KCNT2: variants seen among roughly 807,000 people sequenced by gnomAD.
KCNT2 encodes the protein potassium sodium-activated channel subfamily T member 2.
In KCNT2, 67 loss-of-function variants were observed where a neutral mutation model predicts 153.8. The ratio of observed to expected loss-of-function variants is 0.44; its 90% CI spans 0.36 to 0.53. KCNT2 has a LOEUF of 0.53. Among genes scored for constraint, KCNT2 ranks in the 20% least tolerant of loss-of-function variants. The pLI, the probability that KCNT2 is intolerant of heterozygous loss-of-function variation, is 0.00. For missense variants in KCNT2, 975 were observed against 1,354.8 expected (o/e 0.72, Z 4.40); for synonymous variants, 500 against 458.8 (o/e 1.09, Z -1.15).
At chr1:196,491,541 A>G (rs769914813) in intron 2 of KCNT2, among the ~76,000 whole-genome samples, 6 of 152,060 alleles carry the variant, frequency 3.9e-5, no homozygotes, top group Non-Finnish European at 8.8e-5. Flanking sequence ...AGCAATGACC[A>G]TAAAAAAAAT....
At chr1:196,574,022 T>A (rs1254690112) in intron 1 of KCNT2, among the ~76,000 whole-genome samples, 1 of 151,864 alleles carries the variant, frequency 6.6e-6, no homozygotes, top group Non-Finnish European at 1.5e-5. Flanking sequence ...AACCGGATGA[T>A]AAAGGAACAA....
At chr1:196,286,617 T>A (rs958996349) in intron 22 of KCNT2, among the ~76,000 whole-genome samples, 2 of 143,180 alleles carry the variant, frequency 1.4e-5, no homozygotes, top group Non-Finnish European at 3.0e-5. Flanking sequence ...CTTCTGTATA[T>A]CACACACACA....
intron 14 of KCNT2, among the ~76,000 whole-genome samples, chr1:196,360,492 T>C (rs1031319756): frequency 5.9e-5 from 9 of 152,062 alleles, no homozygotes; most frequent in Non-Finnish European, 1.2e-4. Context: ...GCCAAGTGTG[T>C]CCCCCAACAA....
Position 196,502,087 on chromosome 1 carries a change from A to G in KCNT2, c.96-9746T>C, listed in dbSNP as rs1572657871. 2.0e-5 allele frequency among the ~76,000 whole-genome samples: 3 copies of G among 152,224 alleles called. No individual in the cohort carries two copies. In the South Asian group the frequency reaches 6.2e-4, roughly 32 times the overall value. On this transcript the variant is annotated intron_variant, in intron 1 of 27. Transcript: ENST00000294725. ...AGTTGAGATCGTGCCACTGCACTAC[A>G]GCCCAGGTGACAGAGCAAGACTCCA...
At chr1:196,477,275 C>A (rs944625740) in intron 5 of KCNT2, among the ~76,000 whole-genome samples, 4 of 152,016 alleles carry the variant, frequency 2.6e-5, no homozygotes, top group African/African-American at 9.7e-5. Context: ...ATGTTATCTT[C>A]AAAACTCTTG....
At chr1:196,572,734 GAA>G (rs1304876332) in intron 1 of KCNT2, among the ~76,000 whole-genome samples, 2 of 152,080 alleles carry the variant, frequency 1.3e-5, no homozygotes, top group East Asian at 3.8e-4. Context: ...AAAATCTGAT[GAA>G]GAGGAGAACA....
intron 1 of KCNT2, among the ~76,000 whole-genome samples, chr1:196,507,488 C>T (rs967941265): frequency 6.6e-6 from 1 of 152,058 alleles, no homozygotes; most frequent in Non-Finnish European, 1.5e-5. Flanking sequence ...GGTTTATGGG[C>T]CAGTAGAACT....
At chr1:196,546,223 T>A (rs1446633818) in intron 1 of KCNT2, among the ~76,000 whole-genome samples, 1 of 152,122 alleles carries the variant, frequency 6.6e-6, no homozygotes, top group Non-Finnish European at 1.5e-5. Context: ...ATTCTGTGAA[T>A]TATCTTTATA....
chr1:196,373,864 C>A (rs1199692591), intron 13 of KCNT2, among the ~76,000 whole-genome samples: 1 of 151,610 alleles, frequency 6.6e-6, no homozygotes, highest in African/African-American at 2.4e-5. Context: ...AAGTCATAAA[C>A]CCAAAAGATG....
intron 5 of KCNT2, among the ~76,000 whole-genome samples, chr1:196,476,546 T>C (rs922577457): frequency 1.3e-5 from 2 of 152,192 alleles, no homozygotes; most frequent in Non-Finnish European, 2.9e-5. Flanking sequence ...ACTTTCTAGG[T>C]AATTTAGGGA....
chr1:196,531,144 C>G (rs1391521517), intron 1 of KCNT2, among the ~76,000 whole-genome samples: 1 of 152,050 alleles, frequency 6.6e-6, no homozygotes, highest in East Asian at 1.9e-4. Context: ...TTGCTTTTCC[C>G]ATTTCTTCAA....
intron 22 of KCNT2, among the ~76,000 whole-genome samples, chr1:196,302,806 T>A (rs187553211): frequency 6.6e-6 from 1 of 152,024 alleles, no homozygotes; most frequent in African/African-American, 2.4e-5. Context: ...CATTTTTAAA[T>A]TTTTAAGTTT....
intron 1 of KCNT2, among the ~76,000 whole-genome samples, chr1:196,501,347 G>T (rs1233405237): frequency 6.6e-6 from 1 of 152,010 alleles, no homozygotes; most frequent in East Asian, 1.9e-4. Context: ...AAAATGTGGG[G>T]TAGATATAGA....
intron 5 of KCNT2, among the ~76,000 whole-genome samples, chr1:196,470,088 G>A (rs1005386379): frequency 1.3e-5 from 2 of 152,150 alleles, no homozygotes. Flanking sequence ...TGTGAGCATA[G>A]TTTATCACCC....
At chr1:196,460,320 C>G (rs905551580) in intron 8 of KCNT2, among the ~76,000 whole-genome samples, 9 of 151,696 alleles carry the variant, frequency 5.9e-5, no homozygotes, top group South Asian at 2.1e-4. Flanking sequence ...TTCTTATGAC[C>G]TCACACAAAA....
At chr1:196,524,436 T>A (rs186253172) in intron 1 of KCNT2, among the ~76,000 whole-genome samples, 367 of 152,274 alleles carry the variant, frequency 2.4e-3, no homozygotes, top group African/African-American at 8.7e-3. Flanking sequence ...GGATGTCCAG[T>A]GGTATAAAAT....
intron 26 of KCNT2, among the ~76,000 whole-genome samples, chr1:196,248,111 A>G (rs1474664544): frequency 2.0e-5 from 3 of 150,942 alleles, no homozygotes; most frequent in African/African-American, 7.4e-5. Context: ...AGTAATGGAA[A>G]CACAACATAC....
At chr1:196,564,916 C>T (rs1047550758) in intron 1 of KCNT2, among the ~76,000 whole-genome samples, 2 of 151,396 alleles carry the variant, frequency 1.3e-5, no homozygotes, top group African/African-American at 4.8e-5. Flanking sequence ...TTTGTTTGGG[C>T]AATAATTTTT....
intron 22 of KCNT2, among the ~76,000 whole-genome samples, chr1:196,289,989 G>A (rs1660037879): frequency 6.6e-6 from 1 of 151,928 alleles, no homozygotes; most frequent in South Asian, 2.1e-4. Context: ...AAGAAGGAAT[G>A]TGTTTCTGGC....
Sources: allele counts gnomAD v4.1 joint callset (sites outside exome capture counted in the v4.1 genomes callset), GRCh38; gene constraint gnomAD v4.1.1; transcripts MANE v1.5; gene names NCBI Gene and HGNC (gene_info 2026-07-23, HGNC 2026-07-21).